Variants in PLCB1 observed in about 807,000 individuals in gnomAD.
The protein encoded by PLCB1 is phospholipase C beta 1.
A neutral mutation model predicts 161.8 loss-of-function variants in PLCB1; 46 were observed. The observed-to-expected ratio is 0.28, with a 90% confidence interval of 0.22 to 0.36. PLCB1 has a LOEUF of 0.36. Ranked by LOEUF, PLCB1 falls within the 10% of genes least tolerant of loss-of-function variation. PLCB1 has a pLI of 1.00. For missense variants in PLCB1, 1,016 were observed against 1,472.5 expected (o/e 0.69, Z 5.07); for synonymous variants, 517 against 503.7 (o/e 1.03, Z -0.35).
In PLCB1 at chr20:8,722,428, A is replaced by T; in HGVS notation, c.1581+7A>T. On this transcript the variant is annotated splice_region_variant and intron_variant, in intron 15 of 31. Transcript: ENST00000338037. ...AAAATCTTCAATGGATGAGGTGGGT[A>T]CTTAGGGCTTCTGGTCCCTAAGGCA... The T allele has an allele frequency of 1.9e-6, 3 of 1,604,280 alleles. No individual in the cohort carries two copies. The highest frequency in any genetic ancestry group is 1.7e-6 in the Non-Finnish European group (2 of 1,174,858).
At chr20:8,859,928 A>G (rs1600099850) in intron 31 of PLCB1, among the ~76,000 whole-genome samples, 1 of 152,290 alleles carries the variant, frequency 6.6e-6, no homozygotes, top group Non-Finnish European at 1.5e-5. Flanking sequence ...ATTGTATATA[A>G]AAGCTTCCAC....
intron 3 of PLCB1, among the ~76,000 whole-genome samples, chr20:8,525,702 C>CT (rs1253344202): frequency 6.6e-6 from 1 of 151,700 alleles, no homozygotes; most frequent in Non-Finnish European, 1.5e-5. Context: ...GAAAAATCAA[C>CT]TTTGTGCAGT....
At chr20:8,768,093 C>T (rs1004367467) in intron 26 of PLCB1, among the ~76,000 whole-genome samples, 1 of 151,994 alleles carries the variant, frequency 6.6e-6, no homozygotes, top group Admixed American at 6.6e-5. Flanking sequence ...TTGCTTGAAC[C>T]AGGAGATGGA....
intron 3 of PLCB1, among the ~76,000 whole-genome samples, chr20:8,575,784 G>A (rs1245927359): frequency 1.3e-5 from 2 of 152,176 alleles, no homozygotes; most frequent in African/African-American, 4.8e-5. Flanking sequence ...TTAACATCAC[G>A]TAAGAGTTGA....
intron 19 of PLCB1, among the ~76,000 whole-genome samples, chr20:8,735,297 T>C (rs1980521132): frequency 6.6e-6 from 1 of 152,210 alleles, no homozygotes; most frequent in Non-Finnish European, 1.5e-5. Context: ...TAAGCAATTA[T>C]AAAACAATGA....
intron 2 of PLCB1, among the ~76,000 whole-genome samples, chr20:8,252,473 A>G (rs75469898): frequency 2.0e-5 from 3 of 151,470 alleles, no homozygotes; most frequent in Non-Finnish European, 4.4e-5. Flanking sequence ...GAAAAAAAAA[A>G]GATGAAAAGT....
chr20:8,722,240 C>T, intron 14 of PLCB1, 114 bp from the exon 15 acceptor site: 1 of 695,060 alleles, frequency 1.4e-6, no homozygotes, highest in Non-Finnish European at 2.4e-6. Flanking sequence ...TAATTTTAAA[C>T]AGCCCAACTT....
At chr20:8,529,437 T>C (rs1458104424) in intron 3 of PLCB1, among the ~76,000 whole-genome samples, 4 of 152,016 alleles carry the variant, frequency 2.6e-5, no homozygotes, top group African/African-American at 4.8e-5. Flanking sequence ...GCAGGGATTT[T>C]ATATAGTCCG....
At chr20:8,156,786 A>T (rs931607991) in intron 2 of PLCB1, among the ~76,000 whole-genome samples, 4 of 152,174 alleles carry the variant, frequency 2.6e-5, no homozygotes, top group Admixed American at 2.0e-4. Context: ...TGTTGTTGTG[A>T]ACATTCAATG....
Position 8,430,691 on chromosome 20 carries a change from G to C in PLCB1, c.246+59241G>C, listed in dbSNP as rs557295299. On this transcript the variant is annotated intron_variant, in intron 3 of 31. Coordinates refer to ENST00000338037, the MANE Select transcript of PLCB1 (RefSeq NM_015192.4). ...AAGAAGAGCCGGTACCATGGTTCTT[G>C]CCTGTAATCCCAGCACTTTGGGAGG... is the stretch of plus-strand genomic sequence containing the variant. 2.0e-5 allele frequency among the ~76,000 whole-genome samples: 3 copies of C among 152,280 alleles called. No homozygotes were observed. In the South Asian group the frequency reaches 6.2e-4, roughly 32 times the overall value.
chr20:8,506,117 T>C (rs1479431715), intron 3 of PLCB1, among the ~76,000 whole-genome samples: 1 of 152,244 alleles, frequency 6.6e-6, no homozygotes, highest in Non-Finnish European at 1.5e-5. Context: ...TTGTTTAACA[T>C]AACACTTGAG....
At chr20:8,500,199 A>G (rs1983346403) in intron 3 of PLCB1, among the ~76,000 whole-genome samples, 1 of 152,196 alleles carries the variant, frequency 6.6e-6, no homozygotes, top group Non-Finnish European at 1.5e-5. Context: ...CATGAGGTAA[A>G]AGAAAGCAAA....
At chr20:8,514,309 G>A (rs773358916) in intron 3 of PLCB1, among the ~76,000 whole-genome samples, 8 of 151,966 alleles carry the variant, frequency 5.3e-5, no homozygotes, top group South Asian at 2.1e-4. Context: ...GCGTGGTGGC[G>A]TGAGCCTGTA....
chr20:8,155,389 G>T (rs1038235846), intron 2 of PLCB1, among the ~76,000 whole-genome samples: 10 of 152,194 alleles, frequency 6.6e-5, no homozygotes, highest in African/African-American at 2.4e-4. Flanking sequence ...TGTTTGTACA[G>T]AGTGATGATT....
chr20:8,643,785 C>CTCT (rs1253467384), intron 4 of PLCB1, among the ~76,000 whole-genome samples: 62 of 145,194 alleles, frequency 4.3e-4, no homozygotes, highest in Non-Finnish European at 8.0e-4. Context: ...CTCTTTCTCC[C>CTCT]TCTCCCTCTC....
intron 2 of PLCB1, among the ~76,000 whole-genome samples, chr20:8,298,000 T>C (rs1332237209): frequency 6.6e-6 from 1 of 151,508 alleles, no homozygotes; most frequent in Non-Finnish European, 1.5e-5. Context: ...TTATCTTTAA[T>C]AAGGTGAAGC....
chr20:8,333,366 G>T (rs1375286152), intron 2 of PLCB1, among the ~76,000 whole-genome samples: 1 of 152,194 alleles, frequency 6.6e-6, no homozygotes, highest in African/African-American at 2.4e-5. Context: ...TTTCATCCAG[G>T]TGGGGATTCC....
intron 2 of PLCB1, among the ~76,000 whole-genome samples, chr20:8,166,658 C>T (rs930016532): frequency 1.3e-4 from 20 of 152,076 alleles, no homozygotes; most frequent in Non-Finnish European, 2.2e-4. Flanking sequence ...GGTCCTGGTG[C>T]CTTATTAAAG....
At chr20:8,659,378 C>T (rs1989560036) in intron 9 of PLCB1, among the ~76,000 whole-genome samples, 1 of 152,022 alleles carries the variant, frequency 6.6e-6, no homozygotes, top group South Asian at 2.1e-4. Context: ...GCAGCACTGT[C>T]CCTGAACAAG....
Sources: allele counts gnomAD v4.1 joint callset (sites outside exome capture counted in the v4.1 genomes callset), GRCh38; gene constraint gnomAD v4.1.1; transcripts MANE v1.5; gene names NCBI Gene and HGNC (gene_info 2026-07-23, HGNC 2026-07-21).